MLXIP: variants seen among roughly 807,000 people sequenced by gnomAD.
MLXIP encodes the protein MLX interacting protein.
MLXIP carries 30 observed loss-of-function variants against 87.2 expected under a neutral mutation model. The observed-to-expected ratio is 0.34, with a 90% CI of 0.26 to 0.47. The LOEUF is 0.47. Among genes scored for constraint, MLXIP ranks in the 20% least tolerant of loss-of-function variants. The pLI, the probability that MLXIP is intolerant of heterozygous loss-of-function variation, is 1.00. For missense variants in MLXIP, 1,002 were observed against 1,240.1 expected (o/e 0.81, Z 2.88); for synonymous variants, 530 against 514.0 (o/e 1.03, Z -0.42).
At chr12:122,083,011 G>A (rs1307537649) in intron 1 of MLXIP, among the ~76,000 whole-genome samples, 2 of 152,076 alleles carry the variant, frequency 1.3e-5, no homozygotes, top group African/African-American at 4.8e-5. Flanking sequence ...GTAGATATGG[G>A]GTGTTGCTAT....
At chr12:122,140,749 C>T in intron 15 of MLXIP, 1 of 769,002 alleles carries the variant, frequency 1.3e-6, no homozygotes, top group Non-Finnish European at 2.2e-6. Context: ...GCCCTGTTGT[C>T]CAGGTACAGT....
chr12:122,133,035 G>A lies in MLXIP; in HGVS notation c.1093-313G>A, dbSNP rs988919076. ...TCCAGGCTGCCTCTGCTCAGTAATA[G>A]AAGATGGCAGAGACTTTGGGGAGAC... On this transcript the variant is annotated intron_variant, in intron 8 of 16. Transcript: ENST00000319080. The surrounding 1 kb of genome is among the most constrained non-coding windows in gnomAD (Gnocchi z 4.9). 48 of 310,056 alleles carry A rather than the reference G, an allele frequency of 1.5e-4. 1 individual carries two copies. In the Middle Eastern group the frequency reaches 2.8e-3, roughly 18 times the overall value. The allele number at this position is 310,056 out of a possible 1,614,324, so 19.2% of individuals were successfully genotyped here.
chr12:122,088,743 A>G (rs1417197474), intron 1 of MLXIP, among the ~76,000 whole-genome samples: 2 of 152,112 alleles, frequency 1.3e-5, no homozygotes, highest in African/African-American at 4.8e-5. Context: ...TCGGTGGGGA[A>G]GGAGGGCAGC....
chr12:122,133,259 C>A lies in MLXIP; in HGVS notation c.1093-89C>A. On this transcript the variant is annotated intron_variant, in intron 8 of 16. Coordinates refer to ENST00000319080, the MANE Select transcript of MLXIP (RefSeq NM_014938.6). This position sits in a 1 kb window ranked among gnomAD's most constrained non-coding sequence, Gnocchi z 4.9. The stretch of plus-strand genomic sequence containing the variant: ...TTTGTCCCTCTGTCCCAGCGCCCGG[C>A]CTGTGTAGTTGGACTTGGCAGTGTG... 1 of 1,448,758 alleles carries A rather than the reference C, an allele frequency of 6.9e-7. No individual in the cohort carries two copies. Among genetic ancestry groups the A allele is most frequent in the Non-Finnish European group, 9.2e-7 (1 of 1,087,772 alleles). The allele number at this position is 1,448,758 out of a possible 1,614,324, so 89.7% of individuals were successfully genotyped here.
At chr12:122,111,577 G>A (rs1183495660) in intron 1 of MLXIP, among the ~76,000 whole-genome samples, 5 of 152,172 alleles carry the variant, frequency 3.3e-5, no homozygotes, top group Admixed American at 6.5e-5. Context: ...TGGCTTAGCC[G>A]TTTGGTCAGG....
rs11558336 is a variant in MLXIP, at chr12:122,145,328, A to G, written c.*3516A>G. On this transcript the variant is annotated 3_prime_UTR_variant, in exon 17 of 17. Transcript: ENST00000319080. ...CAGCCAGCCCTCCCATTTCCCGCCCATGGGCCCTGACCACACTCCCTTTTC... is the reference window on the plus strand; with the variant it reads ...CAGCCAGCCCTCCCATTTCCCGCCCGTGGGCCCTGACCACACTCCCTTTTC... 0.31 allele frequency: 46,641 copies of G among 152,210 alleles called. 7,306 individuals are homozygous for G. Among genetic ancestry groups the G allele is most frequent in the Admixed American group, 0.37 (5,664 of 15,292 alleles). The allele number at this position is 152,210 out of a possible 1,614,324, so 9.4% of individuals were successfully genotyped here.
intron 1 of MLXIP, among the ~76,000 whole-genome samples, chr12:122,093,469 G>A (rs972845743): frequency 5.0e-5 from 7 of 140,608 alleles, no homozygotes; most frequent in South Asian, 2.5e-4. Context: ...GTATGTTTGC[G>A]GTGTGTTTGG....
At chr12:122,103,267 C>T (rs530072962) in intron 1 of MLXIP, among the ~76,000 whole-genome samples, 10 of 151,978 alleles carry the variant, frequency 6.6e-5, no homozygotes, top group African/African-American at 1.7e-4. Context: ...CTCTTCTACC[C>T]AGGCTGGAGT....
At chr12:122,120,860 T>C (rs1952767907) in intron 1 of MLXIP, among the ~76,000 whole-genome samples, 1 of 152,014 alleles carries the variant, frequency 6.6e-6, no homozygotes, top group African/African-American at 2.4e-5. Flanking sequence ...GCCAGGGATG[T>C]TTTGCTAAGG....
chr12:122,118,993 C>T lies in MLXIP; in HGVS notation c.414-8263C>T, dbSNP rs182878271. On this transcript the variant is annotated intron_variant, in intron 1 of 16. Transcript: ENST00000319080. ...CATCCTGGCTAACATGGTGAAACCC[C>T]GTCTCTACTAAAAATACAAAAAATT... Among the ~76,000 whole-genome samples the T allele has an allele frequency of 7.2e-3, 1,100 of 151,878 alleles. 14 individuals carry two copies. Among genetic ancestry groups the T allele is most frequent in the African/African-American group, 0.025 (1,042 of 41,406 alleles).
In MLXIP at chr12:122,135,256, AT is replaced by A; in HGVS notation, c.1766del (p.Met589ArgfsTer6). The A allele has an allele frequency of 1.2e-6, 2 of 1,613,550 alleles. No individual in the cohort carries two copies. The highest frequency in any genetic ancestry group is 1.7e-6 in the Non-Finnish European group (2 of 1,179,828). On this transcript the variant is annotated frameshift_variant, in exon 10 of 17. Coordinates refer to ENST00000319080, the MANE Select transcript of MLXIP (RefSeq NM_014938.6). LOFTEE classifies it high-confidence loss of function. This position sits in a 1 kb window ranked among gnomAD's most constrained non-coding sequence, Gnocchi z 5.3. ...TTCAGGCCAACCACAAGCGGTGATC[AT>A]GACGTCAGGGCCTCTGAAGAGAGAA... ...AFSGQPQAVIMTSGPLKREGM... is the reference protein window; with the variant it reads ...AFSGQPQAVIXTSGPLKREGM...
chr12:122,141,174 T>G, intron 16 of MLXIP, 91 bp downstream of exon 16: 1 of 1,472,648 alleles, frequency 6.8e-7, no homozygotes. Context: ...CAGACTCCAC[T>G]GCAGGCAGCC....
At chr12:122,082,777 CCCTCTTGACA>C (rs1952109923) in intron 1 of MLXIP, among the ~76,000 whole-genome samples, 3 of 152,248 alleles carry the variant, frequency 2.0e-5, no homozygotes, top group Admixed American at 6.5e-5. Context: ...ATGGTTCTTG[CCCTCTTGACA>C]CTGTAAGGAA....
intron 4 of MLXIP, 135 bp downstream of exon 4, chr12:122,129,361 C>G: frequency 3.2e-6 from 3 of 944,126 alleles, no homozygotes; most frequent in Non-Finnish European, 4.9e-6. Flanking sequence ...AAATCTGGGG[C>G]CCAGCGTGCC....
Position 122,129,041 on chromosome 12 carries a change from A to G in MLXIP, c.607-96A>G, listed in dbSNP as rs1445275983. The G allele has an allele frequency of 7.1e-6, 7 of 992,428 alleles. No homozygotes were observed. The Middle Eastern group carries it at 8.2e-4, about 116-fold the overall frequency. 61.5% of individuals were successfully genotyped at this position (992,428 alleles called of 1,614,324 possible). On this transcript the variant is annotated intron_variant, in intron 3 of 16. Coordinates refer to ENST00000319080, the MANE Select transcript of MLXIP (RefSeq NM_014938.6). Reference sequence around the variant, plus strand: ...TGTGGGGTTTCCCGCTGGATTGCCTAAGGCCTGATTATAGTGCCGGATACT... The same window carrying G: ...TGTGGGGTTTCCCGCTGGATTGCCTGAGGCCTGATTATAGTGCCGGATACT...
intron 1 of MLXIP, among the ~76,000 whole-genome samples, chr12:122,093,001 T>G: frequency 7.0e-6 from 1 of 142,970 alleles, no homozygotes; most frequent in Admixed American, 7.1e-5. Context: ...GTGTTGTGTG[T>G]ATGTGTGGTG....
chr12:122,126,099 C>G (rs1271932693), intron 1 of MLXIP, among the ~76,000 whole-genome samples: 1 of 152,198 alleles, frequency 6.6e-6, no homozygotes, highest in East Asian at 1.9e-4. Flanking sequence ...TTGCCCATCT[C>G]AAGCCATCTG....
intron 1 of MLXIP, among the ~76,000 whole-genome samples, chr12:122,085,136 C>T (rs1281628403): frequency 6.6e-6 from 1 of 152,022 alleles, no homozygotes; most frequent in Non-Finnish European, 1.5e-5. Flanking sequence ...TGCCTCGGTC[C>T]ACTCCATGTC....
intron 1 of MLXIP, among the ~76,000 whole-genome samples, chr12:122,107,046 C>T (rs1292292963): frequency 6.6e-6 from 1 of 152,192 alleles, no homozygotes; most frequent in African/African-American, 2.4e-5. Flanking sequence ...TTCAACGTCA[C>T]CAGCCCTCCT....
Sources: gnomAD v4.1 joint callset for allele counts (sites outside exome capture counted in the v4.1 genomes callset) on GRCh38, gnomAD v4.1.1 for gene constraint, Gnocchi (gnomAD v3.1) non-coding constraint, MANE v1.5 for transcripts, NCBI Gene and HGNC (gene_info 2026-07-23, HGNC 2026-07-21) for gene names.